VDR: variants seen among roughly 807,000 people sequenced by gnomAD.
The protein encoded by VDR is vitamin D receptor, also known as vitamin D3 receptor.
VDR carries 19 observed loss-of-function variants against 39.7 expected under a neutral mutation model. The ratio of observed to expected loss-of-function variants is 0.48; its 90% CI spans 0.33 to 0.70. The LOEUF (loss-of-function observed/expected upper bound fraction) is 0.70, where lower values mean the gene tolerates loss of function less well. Ranked by LOEUF, VDR falls within the 30% of genes least tolerant of loss-of-function variation. The pLI is 0.02. For missense variants in VDR, 442 were observed against 570.5 expected (o/e 0.77, Z 2.29); for synonymous variants, 242 against 215.8 (o/e 1.12, Z -1.07).
At chr12:47,901,325 C>T (rs1270748880) in intron 1 of VDR, 1 of 155,218 alleles carries the variant, frequency 6.4e-6, no homozygotes, top group East Asian at 1.9e-4. Context: ...GACCCAGGAC[C>T]CAGAAGGCAG....
At chr12:47,860,952 C>T (rs574778574) in intron 4 of VDR, among the ~76,000 whole-genome samples, 1 of 152,320 alleles carries the variant, frequency 6.6e-6, no homozygotes, top group South Asian at 2.1e-4. Flanking sequence ...TGTATATTAA[C>T]TCATATATTT....
At chr12:47,856,208 GTATT>G (rs775795560) in intron 6 of VDR, among the ~76,000 whole-genome samples, 60 of 152,210 alleles carry the variant, frequency 3.9e-4, no homozygotes, top group Non-Finnish European at 7.5e-4. Context: ...ATTGATGCCA[GTATT>G]TATAAAGATG....
chr12:47,846,382 T>G lies in VDR; in HGVS notation c.977A>C (p.His326Pro), dbSNP rs1210013497. 6.3e-7 allele frequency: 1 copy of G among 1,594,896 alleles called. No individual in the cohort carries two copies. Residue 326 changes from histidine to proline, a missense_variant, in exon 9 of 10, where the codon CAT becomes CCT. Around this residue, in one of 5 missense-constraint regions of VDR, gnomAD observed 173 missense variants for 252.0 expected, o/e 0.69. Coordinates refer to ENST00000549336, the MANE Select transcript of VDR (RefSeq NM_000376.3). Reference protein sequence around the residue: ...FQVGLKKLNLHEEEHVLLMAI... With the variant: ...FQVGLKKLNLPEEEHVLLMAI... ...CATGAGCAGGACATGCTCCTCCTCA[T>G]GCAAGTTCAGCTTCTTCAGTCCCAC...
At chr12:47,863,069 G>A (rs1945657519) in intron 4 of VDR, among the ~76,000 whole-genome samples, 1 of 152,182 alleles carries the variant, frequency 6.6e-6, no homozygotes, top group African/African-American at 2.4e-5. Context: ...GGGATGGGGT[G>A]GACATCGCTT....
chr12:47,869,366 C>A (rs1461963692), intron 3 of VDR, among the ~76,000 whole-genome samples: 1 of 151,602 alleles, frequency 6.6e-6, no homozygotes, highest in Non-Finnish European at 1.5e-5. Flanking sequence ...GAAACCCCAT[C>A]TCTACTAAAA....
intron 4 of VDR, among the ~76,000 whole-genome samples, chr12:47,859,614 T>C (rs1945565321): frequency 6.6e-6 from 1 of 152,228 alleles, no homozygotes; most frequent in South Asian, 2.1e-4. Context: ...TCAAGCCTTG[T>C]TTTTTTCTGC....
chr12:47,857,748 T>C (rs1255086664), intron 4 of VDR, 60 bp from the exon 5 acceptor site: 2 of 1,590,348 alleles, frequency 1.3e-6, no homozygotes, highest in East Asian at 2.2e-5. Context: ...GAAACCTTCC[T>C]CCTGCGGTTG....
rs387907554 is a variant in VDR, at chr12:47,865,086, G to T, written c.238C>A (p.Arg80=). The T allele has an allele frequency of 6.8e-5, 110 of 1,613,816 alleles. No homozygotes were observed. Among genetic ancestry groups the T allele is most frequent in the Non-Finnish European group, 9.0e-5 (106 of 1,179,814 alleles). ...KDNRRHCQAC[R]LKRCVDIGMM... Reference sequence around the variant, plus strand: ...CCGATGTCCACACAGCGTTTGAGCCGGCAGGCCTGGCAGTGGCGTCGGTTG... The same window carrying T: ...CCGATGTCCACACAGCGTTTGAGCCTGCAGGCCTGGCAGTGGCGTCGGTTG... The change falls in exon 4 of 10, where the codon CGG becomes AGG. Residue 80 remains arginine (R), a synonymous_variant. Coordinates refer to ENST00000549336, the MANE Select transcript of VDR (RefSeq NM_000376.3).
At chr12:47,887,808 C>T (rs1476748307) in intron 1 of VDR, among the ~76,000 whole-genome samples, 2 of 152,240 alleles carry the variant, frequency 1.3e-5, no homozygotes, top group East Asian at 3.8e-4. Context: ...ATTTAAGAGG[C>T]TCACCAGTTA....
At chr12:47,893,322 T>C (rs1402147427) in intron 1 of VDR, among the ~76,000 whole-genome samples, 1 of 152,126 alleles carries the variant, frequency 6.6e-6, no homozygotes, top group Non-Finnish European at 1.5e-5. Flanking sequence ...ACAGCTGAAG[T>C]CCCAGCCTGG....
chr12:47,890,716 T>A (rs1424971316), intron 1 of VDR, among the ~76,000 whole-genome samples: 2 of 152,188 alleles, frequency 1.3e-5, no homozygotes, highest in African/African-American at 4.8e-5. Flanking sequence ...TTCCCACAGC[T>A]TGGACTGAGA....
Position 47,846,419 on chromosome 12 carries a change from T to G in VDR, c.940A>C (p.Ile314Leu). Residue 314 changes from isoleucine to leucine, a missense_variant, in exon 9 of 10, where the codon ATC (isoleucine) becomes CTC (leucine). Ile to Leu is a conservative substitution (Grantham distance 5). Around this residue, in one of 5 missense-constraint regions of VDR, gnomAD observed 173 missense variants for 252.0 expected, o/e 0.69. Transcript: ENST00000549336. ...TTCTTCAGTCCCACCTGGAACTTGA[T>G]GAGGGGCTCAATCAGCTCCAGGCTG... is the stretch of plus-strand genomic sequence containing the variant. ...GHSLELIEPL[I>L]KFQVGLKKLN... 6.4e-7 allele frequency: 1 copy of G among 1,572,990 alleles called. No individual in the cohort carries two copies. Among genetic ancestry groups the G allele is most frequent in the Admixed American group, 1.9e-5 (1 of 53,778 alleles).
At chr12:47,846,526 A>G in intron 8 of VDR, 75 bp from the exon 9 acceptor site, 1 of 1,548,872 alleles carries the variant, frequency 6.5e-7, no homozygotes, top group Non-Finnish European at 8.8e-7. Flanking sequence ...CATGGGTCTG[A>G]CCCTCGCCCT....
At chr12:47,878,766 G>T (rs543506640) in intron 3 of VDR, 1 of 845,494 alleles carries the variant, frequency 1.2e-6, no homozygotes, top group South Asian at 1.4e-5. Context: ...TTCCAAGAGA[G>T]TCAGAGGAAC....
chr12:47,846,525 G>T, intron 8 of VDR, 74 bp from the exon 9 acceptor site: 1 of 1,549,316 alleles, frequency 6.5e-7, no homozygotes, highest in South Asian at 1.2e-5. Flanking sequence ...CCATGGGTCT[G>T]ACCCTCGCCC....
intron 4 of VDR, among the ~76,000 whole-genome samples, chr12:47,858,425 C>A (rs1355818737): frequency 6.6e-6 from 1 of 152,226 alleles, no homozygotes; most frequent in African/African-American, 2.4e-5. Context: ...ACAGCCTTGA[C>A]ATTTCTGTCC....
In VDR at chr12:47,876,691, C is replaced by A. The variant is rs1243929943; in HGVS notation, c.146+2277G>T. 2.0e-5 allele frequency among the ~76,000 whole-genome samples: 3 copies of A among 152,270 alleles called. No individual in the cohort carries two copies. The East Asian group carries it at 5.8e-4, about 29-fold the overall frequency. On this transcript the variant is annotated intron_variant, in intron 3 of 9. Coordinates refer to ENST00000549336, the MANE Select transcript of VDR (RefSeq NM_000376.3). ...AGATTACAAACATACCATCCTTGTT[C>A]ATTCTGCCATCTTTCACACTCAGCC...
chr12:47,876,305 A>G (rs1206666276), intron 3 of VDR, among the ~76,000 whole-genome samples: 1 of 152,186 alleles, frequency 6.6e-6, no homozygotes, highest in Non-Finnish European at 1.5e-5. Flanking sequence ...CTTTCTTGAC[A>G]GCTTCAGTGA....
At chr12:47,857,454 A>C in intron 5 of VDR, 50 bp downstream of exon 5, 1 of 1,613,544 alleles carries the variant, frequency 6.2e-7, no homozygotes. Flanking sequence ...CCCTGGCTCC[A>C]CTAGTGCTTC....
Sources: allele counts gnomAD v4.1 joint callset (sites outside exome capture counted in the v4.1 genomes callset), GRCh38; gene constraint gnomAD v4.1.1; regional missense constraint gnomAD v4.1.1; transcripts MANE v1.5; gene names NCBI Gene and HGNC (gene_info 2026-07-23, HGNC 2026-07-21).